The following PCDHGA1 variants were observed in gnomAD, a reference collection of about 807,000 sequenced individuals.
PCDHGA1 encodes the protein protocadherin gamma subfamily A, 1.
A neutral mutation model predicts 58.0 loss-of-function variants in PCDHGA1; 32 were observed. That is an observed-to-expected ratio of 0.55 (90% CI 0.42 to 0.74). The LOEUF is 0.74. PCDHGA1 is among the 30% of genes least tolerant of loss of function. The pLI, the probability that PCDHGA1 is intolerant of heterozygous loss-of-function variation, is 0.00. For missense variants in PCDHGA1, 1,205 were observed against 1,182.3 expected (o/e 1.02, Z -0.28); for synonymous variants, 498 against 501.1 (o/e 0.99, Z 0.08).
intron 1 of PCDHGA1, chr5:141,415,069 A>G (rs1323441877): frequency 1.1e-5 from 18 of 1,613,420 alleles, no homozygotes; most frequent in Non-Finnish European, 1.5e-5. Flanking sequence ...CGAGGTGCGC[A>G]CGGCGCGAGC....
rs781346812 is a variant in PCDHGA1, at chr5:141,489,773, T to A, written c.2422-5034T>A. 6.2e-7 allele frequency: 1 copy of A among 1,614,102 alleles called. No individual in the cohort carries two copies. The highest frequency in any genetic ancestry group is 8.5e-7 in the Non-Finnish European group (1 of 1,179,984). ...TACACTCTAAGCCCCAACAGCCACT[T>A]CTCTCTGAATGTGAAGACCCTAAAA... is the stretch of plus-strand genomic sequence containing the variant. On this transcript the variant is annotated intron_variant, in intron 1 of 3. Transcript: ENST00000517417. The surrounding 1 kb of genome is among the most constrained non-coding windows in gnomAD (Gnocchi z 4.5).
chr5:141,510,847 AG>A, intron 3 of PCDHGA1, 99 bp from the exon 4 acceptor site: 3 of 1,595,350 alleles, frequency 1.9e-6, no homozygotes, highest in Non-Finnish European at 2.6e-6. Context: ...GTCAAGGCCC[AG>A]GGTGCTGTAT....
chr5:141,435,372 T>C (rs2097759153), intron 1 of PCDHGA1, among the ~76,000 whole-genome samples: 1 of 152,216 alleles, frequency 6.6e-6, no homozygotes, highest in African/African-American at 2.4e-5. Context: ...CACTTAAATA[T>C]ACAATATACC....
In PCDHGA1 at chr5:141,330,862, G is replaced by A; in HGVS notation, c.178G>A (p.Ala60Thr). Reference protein sequence around the residue: ...KDLGLQPQELADGGVRIVSRG... With the variant: ...KDLGLQPQELTDGGVRIVSRG... ...CCTAGGGCTGCAACCCCAGGAGCTG[G>A]CAGATGGCGGAGTCCGCATCGTCTC... The change falls in exon 1 of 4, where the codon GCA becomes ACA. Residue 60 changes from alanine (A) to threonine (T), a missense_variant. Transcript: ENST00000517417. 6.2e-7 allele frequency: 1 copy of A among 1,614,182 alleles called. No homozygotes were observed. Among genetic ancestry groups the A allele is most frequent in the Non-Finnish European group, 8.5e-7 (1 of 1,180,030 alleles).
At chr5:141,492,859 C>G (rs966216924) in intron 1 of PCDHGA1, among the ~76,000 whole-genome samples, 1 of 152,232 alleles carries the variant, frequency 6.6e-6, no homozygotes, top group Non-Finnish European at 1.5e-5. Context: ...CTCGAGCGCC[C>G]TGGCTCTCAA....
Position 141,365,562 on chromosome 5 carries a change from A to C in PCDHGA1, c.2421+32457A>C, listed in dbSNP as rs200032836. On this transcript the variant is annotated intron_variant, in intron 1 of 3. Transcript: ENST00000517417. ...CACCTATTAACAACTAGGGACCTGG[A>C]CAGAGAAGAGACTTCAGATTATAAT... The C allele has an allele frequency of 6.2e-4, 1,002 of 1,613,762 alleles. 1 individual carries two copies. Among genetic ancestry groups the C allele is most frequent in the Non-Finnish European group, 7.3e-4 (867 of 1,179,898 alleles).
intron 1 of PCDHGA1, chr5:141,360,561 T>A: frequency 6.2e-7 from 1 of 1,613,992 alleles, no homozygotes; most frequent in South Asian, 1.1e-5. Context: ...ATTTAAAAAT[T>A]GGCGAATCCA....
rs1348297963 is a variant in PCDHGA1, at chr5:141,487,103, G to A, written c.2422-7704G>A. 6.2e-7 allele frequency: 1 copy of A among 1,614,124 alleles called. No individual in the cohort carries two copies. Among genetic ancestry groups the A allele is most frequent in the Non-Finnish European group, 8.5e-7 (1 of 1,180,000 alleles). On this transcript the variant is annotated intron_variant, in intron 1 of 3. Coordinates refer to ENST00000517417, the MANE Select transcript of PCDHGA1 (RefSeq NM_018912.3). The surrounding 1 kb of genome is among the most constrained non-coding windows in gnomAD (Gnocchi z 5.0). ...AGCTGACCTCCCACCACAGAAGCTG[G>A]TCATTGTGGTAAAGGATAGTGGTAG...
intron 1 of PCDHGA1, chr5:141,345,645 G>A (rs1588463209): frequency 6.2e-7 from 1 of 1,614,188 alleles, no homozygotes; most frequent in South Asian, 1.1e-5. Context: ...CAGCGACAGC[G>A]GGAACCCTCC....
chr5:141,484,715 G>A (rs576646182), intron 1 of PCDHGA1, among the ~76,000 whole-genome samples: 1 of 152,130 alleles, frequency 6.6e-6, no homozygotes, highest in African/African-American at 2.4e-5. Context: ...CCGCCGAAAA[G>A]GGGCGGGGTC....
intron 2 of PCDHGA1, among the ~76,000 whole-genome samples, chr5:141,501,301 ACAC>A (rs1380901086): frequency 6.6e-6 from 1 of 150,882 alleles, no homozygotes; most frequent in African/African-American, 2.4e-5. Context: ...ACACACACAC[ACAC>A]ACACACACAC....
intron 1 of PCDHGA1, chr5:141,339,046 G>GGGTCGGGCAGATTC: frequency 6.2e-7 from 1 of 1,609,810 alleles, no homozygotes. Flanking sequence ...CCCTGTGGGA[G>GGGTCGGGCAGATTC]GCCAGGGCCG....
chr5:141,464,048 T>C (rs377735829), intron 1 of PCDHGA1, among the ~76,000 whole-genome samples: 1 of 152,260 alleles, frequency 6.6e-6, no homozygotes, highest in South Asian at 2.1e-4. Context: ...GTGGATCACC[T>C]GAGGTCAGGA....
Position 141,490,019 on chromosome 5 carries a change from T to C in PCDHGA1, c.2422-4788T>C. 2 of 1,614,272 alleles carry C rather than the reference T, an allele frequency of 1.2e-6. No homozygotes were observed. Among genetic ancestry groups the C allele is most frequent in the East Asian group, 2.2e-5 (1 of 44,886 alleles). ...CCAGAGAATGCACCCATTGGTACTCTGCTGCTCCGCCTCAATGCCACTGAT... is the reference window on the plus strand; with the variant it reads ...CCAGAGAATGCACCCATTGGTACTCCGCTGCTCCGCCTCAATGCCACTGAT... On this transcript the variant is annotated intron_variant, in intron 1 of 3. Coordinates refer to ENST00000517417, the MANE Select transcript of PCDHGA1 (RefSeq NM_018912.3). This position sits in a 1 kb window ranked among gnomAD's most constrained non-coding sequence, Gnocchi z 5.4.
Position 141,395,219 on chromosome 5 carries a change from T to G in PCDHGA1, c.2421+62114T>G, listed in dbSNP as rs1303078300. On this transcript the variant is annotated intron_variant, in intron 1 of 3. Coordinates refer to ENST00000517417, the MANE Select transcript of PCDHGA1 (RefSeq NM_018912.3). Reference sequence around the variant, plus strand: ...CCGTAGATTTTCATGAATATAAGAATGAAGCTGATCATGGTCAGGTGAGTT... The same window carrying G: ...CCGTAGATTTTCATGAATATAAGAAGGAAGCTGATCATGGTCAGGTGAGTT... 3.7e-6 allele frequency: 6 copies of G among 1,611,924 alleles called. No individual in the cohort carries two copies. In the African/African-American group the frequency reaches 4.0e-5, roughly 11 times the overall value.
rs368232567 is a variant in PCDHGA1, at chr5:141,371,262, C to G, written c.2421+38157C>G. The G allele has an allele frequency of 2.9e-5, 46 of 1,613,882 alleles. No individual in the cohort carries two copies. The African/African-American group carries it at 5.6e-4, about 20-fold the overall frequency. On this transcript the variant is annotated intron_variant, in intron 1 of 3. Transcript: ENST00000517417. ...CATCAATATTGGCAAGGAAGTGAGACAACTGTTCAAGCTGGACAGTAAAAC... is the reference window on the plus strand; with the variant it reads ...CATCAATATTGGCAAGGAAGTGAGAGAACTGTTCAAGCTGGACAGTAAAAC...
At chr5:141,364,328 G>A in intron 1 of PCDHGA1, 1 of 1,530,786 alleles carries the variant, frequency 6.5e-7, no homozygotes. Context: ...CAGAGAGAAG[G>A]CAATGGCGAG....
intron 1 of PCDHGA1, chr5:141,427,003 T>C: frequency 2.2e-6 from 1 of 456,764 alleles, no homozygotes; most frequent in South Asian, 1.5e-5. Flanking sequence ...GCCCCAGTTT[T>C]TAGCCAGGAT....
chr5:141,414,311 ACT>A (rs1421551588), intron 1 of PCDHGA1: 5 of 1,613,710 alleles, frequency 3.1e-6, no homozygotes, highest in Non-Finnish European at 4.2e-6. Flanking sequence ...CATGATTTAG[ACT>A]CTGAGCAGAA....
Sources: allele counts gnomAD v4.1 joint callset (sites outside exome capture counted in the v4.1 genomes callset), GRCh38; gene constraint gnomAD v4.1.1; non-coding constraint Gnocchi (gnomAD v3.1); transcripts MANE v1.5; gene names NCBI Gene and HGNC (gene_info 2026-07-23, HGNC 2026-07-21).